The following DNAH7 variants were observed in gnomAD, a reference collection of about 807,000 sequenced individuals.
DNAH7 encodes the protein axonemal beta dynein heavy chain 7.
Under a neutral mutation model 444.6 loss-of-function variants are expected in DNAH7, and 397 were observed. That is an observed-to-expected ratio of 0.89 (90% CI 0.82 to 0.97). DNAH7 has a LOEUF of 0.97. Among genes scored for constraint, DNAH7 ranks in the 50% least tolerant of loss-of-function variants. The pLI is 0.00. For synonymous variants in DNAH7, 1,636 were observed against 1,624.4 expected, an observed-to-expected ratio of 1.01 and a Z score of -0.17; for missense variants, 4,902 against 4,800.8, an observed-to-expected ratio of 1.02 and a Z score of -0.62.
Position 195,861,845 on chromosome 2 carries a change from G to A in DNAH7, c.7608C>T (p.Ser2536=). 6.2e-7 allele frequency: 1 copy of A among 1,613,556 alleles called. No homozygotes were observed. Among genetic ancestry groups the A allele is most frequent in the East Asian group, 2.2e-5 (1 of 44,876 alleles). ...ATAAATCTATAGTAGAAGTGTGGAAGCTTTTACACATGTCGATACAGCCAT... is the reference window on the plus strand; with the variant it reads ...ATAAATCTATAGTAGAAGTGTGGAAACTTTTACACATGTCGATACAGCCAT... The part of the protein sequence containing the change: ...IRDGCIDMCK[S]FHTSTIDLSK... Residue 2536 remains serine (S), a synonymous_variant, in exon 42 of 65, where the codon AGC becomes AGT. Coordinates refer to ENST00000312428, the MANE Select transcript of DNAH7 (RefSeq NM_018897.3).
intron 1 of DNAH7, among the ~76,000 whole-genome samples, chr2:196,064,355 T>TA (rs1553616239): frequency 2.7e-5 from 4 of 147,998 alleles, no homozygotes; most frequent in African/African-American, 1.0e-4. Context: ...AAATAATAAA[T>TA]AATAAATAAA....
At chr2:195,857,311 T>A (rs747208286) in intron 44 of DNAH7, 66 bp downstream of exon 44, 4 of 1,348,806 alleles carry the variant, frequency 3.0e-6, no homozygotes, top group African/African-American at 2.9e-5. Context: ...TTAAATTGTA[T>A]ATTTTCTAAC....
chr2:196,020,978 C>A (rs1695345105), intron 8 of DNAH7, among the ~76,000 whole-genome samples: 1 of 152,052 alleles, frequency 6.6e-6, no homozygotes, highest in Non-Finnish European at 1.5e-5. Flanking sequence ...ATATAAGTTC[C>A]ATCCTTCAAA....
chr2:195,768,192 T>A (rs1317542677), intron 61 of DNAH7, among the ~76,000 whole-genome samples: 1 of 147,694 alleles, frequency 6.8e-6, no homozygotes, highest in Non-Finnish European at 1.5e-5. Flanking sequence ...TATATATCTT[T>A]TATATATATA....
chr2:195,865,143 G>A, intron 40 of DNAH7, 122 bp from the exon 41 acceptor site: 1 of 921,090 alleles, frequency 1.1e-6, no homozygotes, highest in Non-Finnish European at 1.6e-6. Flanking sequence ...TTTATTAAAA[G>A]TATATCCAAA....
intron 12 of DNAH7, chr2:195,999,200 G>C (rs1395538926): frequency 1.4e-6 from 1 of 717,362 alleles, no homozygotes; most frequent in South Asian, 1.5e-5. Flanking sequence ...ACAGACCTTT[G>C]AATATGAGAA....
intron 51 of DNAH7, 124 bp downstream of exon 51, chr2:195,816,501 AATC>A (rs1697224733): frequency 2.9e-6 from 2 of 683,482 alleles, no homozygotes; most frequent in Non-Finnish European, 2.5e-6. Flanking sequence ...TACGATGATT[AATC>A]AAGTTCATTT....
At chr2:195,878,659 C>G (rs1207534353) in intron 36 of DNAH7, among the ~76,000 whole-genome samples, 4 of 152,092 alleles carry the variant, frequency 2.6e-5, no homozygotes, top group African/African-American at 9.7e-5. Flanking sequence ...ATGGTGTGAA[C>G]AGTTTGGCAG....
chr2:195,954,127 T>A (rs1161166213), intron 19 of DNAH7, among the ~76,000 whole-genome samples: 1 of 152,144 alleles, frequency 6.6e-6, no homozygotes, highest in Non-Finnish European at 1.5e-5. Context: ...GCTGCACCCA[T>A]TAACTCGTCA....
intron 18 of DNAH7, among the ~76,000 whole-genome samples, chr2:195,959,456 C>G (rs1014792409): frequency 6.6e-6 from 1 of 151,602 alleles, no homozygotes; most frequent in Admixed American, 6.6e-5. Context: ...AAATTCTTCT[C>G]TTAATGTGCA....
rs1304553158 is a variant in DNAH7, at chr2:195,770,492, G to GC, written c.11433+1167dup. ...CTTTCTACTTGTGTTCCTGGACCAG[G>GC]CCCAGCTTGTTTTCTCTTGGCTTTA... is the stretch of plus-strand genomic sequence containing the variant. On this transcript the variant is annotated intron_variant, in intron 61 of 64. Transcript: ENST00000312428. Among the ~76,000 whole-genome samples, 3 of 152,068 alleles carry GC rather than the reference G, an allele frequency of 2.0e-5. No homozygotes were observed. The East Asian group carries it at 5.8e-4, about 29-fold the overall frequency.
At chr2:195,846,174 C>T (rs897157222) in intron 46 of DNAH7, among the ~76,000 whole-genome samples, 1 of 152,032 alleles carries the variant, frequency 6.6e-6, no homozygotes, top group Non-Finnish European at 1.5e-5. Flanking sequence ...CAAAAAACAA[C>T]TCACCCCTTT....
At chr2:196,053,588 T>C (rs769023441) in intron 2 of DNAH7, among the ~76,000 whole-genome samples, 5 of 152,092 alleles carry the variant, frequency 3.3e-5, no homozygotes, top group Non-Finnish European at 5.9e-5. Flanking sequence ...AAGAATAATA[T>C]AGGCAACAGG....
intron 19 of DNAH7, among the ~76,000 whole-genome samples, chr2:195,940,281 C>G (rs560625387): frequency 6.6e-6 from 1 of 152,208 alleles, no homozygotes; most frequent in East Asian, 1.9e-4. Flanking sequence ...GAAAAAAATC[C>G]CTATTTAACA....
chr2:195,837,592 C>T (rs903220912), intron 47 of DNAH7, among the ~76,000 whole-genome samples: 2 of 152,022 alleles, frequency 1.3e-5, no homozygotes, highest in East Asian at 3.8e-4. Context: ...AAATAAGTAA[C>T]TGAAAAAATG....
intron 47 of DNAH7, among the ~76,000 whole-genome samples, chr2:195,836,894 T>A (rs1284917425): frequency 1.3e-5 from 2 of 152,192 alleles, no homozygotes; most frequent in Non-Finnish European, 2.9e-5. Flanking sequence ...TTGTCCAAAA[T>A]GCACTTCTCT....
chr2:195,972,358 C>A lies in DNAH7; in HGVS notation c.1942G>T (p.Ala648Ser). ...ACACTATTATTTAGCCTCATGTCTG[C>A]TGGAGAAAAGTTGACATACTCGATG... is the stretch of plus-strand genomic sequence containing the variant. ...FLIEYVNFSP[A>S]DMRLNNSVFQ... is the part of the protein sequence containing the mutation. Residue 648 changes from alanine (A) to serine (S), a missense_variant, in exon 16 of 65, where the codon GCA (alanine) becomes TCA (serine). Physicochemically the swap from Ala to Ser is moderately conservative, Grantham distance 99. Coordinates refer to ENST00000312428, the MANE Select transcript of DNAH7 (RefSeq NM_018897.3). 6.2e-7 allele frequency: 1 copy of A among 1,614,032 alleles called. No homozygotes were observed. The highest frequency in any genetic ancestry group is 8.5e-7 in the Non-Finnish European group (1 of 1,179,990).
chr2:196,014,285 A>G (rs1694885080), intron 9 of DNAH7, among the ~76,000 whole-genome samples: 1 of 152,192 alleles, frequency 6.6e-6, no homozygotes, highest in Non-Finnish European at 1.5e-5. Context: ...ATTAGCTTCA[A>G]TTTGGTTAGC....
At chr2:195,914,216 A>G (rs961367783) in intron 24 of DNAH7, among the ~76,000 whole-genome samples, 6 of 152,230 alleles carry the variant, frequency 3.9e-5, no homozygotes, top group South Asian at 2.1e-4. Context: ...CAGAAACTCT[A>G]TATCTTTTCT....
Sources: allele counts gnomAD v4.1 joint callset (sites outside exome capture counted in the v4.1 genomes callset), GRCh38; gene constraint gnomAD v4.1.1; transcripts MANE v1.5; gene names NCBI Gene and HGNC (gene_info 2026-07-23, HGNC 2026-07-21).